The following SEMA6D variants were observed in gnomAD, a reference collection of about 807,000 sequenced individuals.
SEMA6D encodes the protein semaphorin-6D.
Under a neutral mutation model 106.6 loss-of-function variants are expected in SEMA6D, and 35 were observed. That is an observed-to-expected ratio of 0.33 (90% CI 0.25 to 0.44). SEMA6D has a LOEUF of 0.44. Ranked by LOEUF, SEMA6D falls within the 20% of genes least tolerant of loss-of-function variation. The probability of loss-of-function intolerance (pLI) is 1.00; values close to 1 mark genes in which losing one functional copy is unlikely to be tolerated. For synonymous variants in SEMA6D, 499 were observed against 487.7 expected (o/e 1.02, Z -0.31); for missense variants, 1,185 against 1,345.9 (o/e 0.88, Z 1.87).
upstream of SEMA6D, among the ~76,000 whole-genome samples, chr15:47,714,286 A>G (rs1007966111): frequency 3.3e-5 from 5 of 152,174 alleles, no homozygotes; most frequent in African/African-American, 1.2e-4. Flanking sequence ...ACTCTGTGAC[A>G]TTAGGCAATT....
chr15:47,545,305 A>T (rs2045486103), intron 3 of SEMA6D, among the ~76,000 whole-genome samples: 1 of 152,136 alleles, frequency 6.6e-6, no homozygotes, highest in Non-Finnish European at 1.5e-5. Flanking sequence ...ATTATCCATC[A>T]CTGGGTGAAT....
chr15:47,768,869 C>A, intron 18 of SEMA6D, 121 bp downstream of exon 18: 1 of 805,060 alleles, frequency 1.2e-6, no homozygotes, highest in Non-Finnish European at 1.9e-6. Flanking sequence ...GTACCTCCAC[C>A]GCCCCTTGCC....
intron 3 of SEMA6D, among the ~76,000 whole-genome samples, chr15:47,485,906 C>G (rs1195701224): frequency 6.6e-6 from 1 of 152,146 alleles, no homozygotes; most frequent in Non-Finnish European, 1.5e-5. Flanking sequence ...AATAACATTG[C>G]TTATTTTAAG....
At chr15:47,600,327 T>C (rs1347376454) in intron 3 of SEMA6D, among the ~76,000 whole-genome samples, 1 of 152,112 alleles carries the variant, frequency 6.6e-6, no homozygotes, top group Admixed American at 6.6e-5. Flanking sequence ...TATTTCCAGG[T>C]TCTGAGTGTT....
chr15:47,216,200 T>C (rs17356629), intron 1 of SEMA6D, among the ~76,000 whole-genome samples: 1,854 of 152,270 alleles, frequency 0.012, 43 homozygotes, highest in Admixed American at 0.012. Flanking sequence ...TAAAAACATT[T>C]TTCATGAGCA....
At chr15:47,209,527 G>A (rs951052473) in intron 1 of SEMA6D, among the ~76,000 whole-genome samples, 1 of 152,110 alleles carries the variant, frequency 6.6e-6, no homozygotes, top group African/African-American at 2.4e-5. Flanking sequence ...ATCAAAAATG[G>A]CAGATTGAAA....
intron 3 of SEMA6D, among the ~76,000 whole-genome samples, chr15:47,546,060 A>G (rs573916803): frequency 4.6e-5 from 7 of 152,278 alleles, no homozygotes; most frequent in African/African-American, 1.7e-4. Flanking sequence ...GCATTTATGC[A>G]TAAGCGAGCA....
At chr15:47,227,339 G>A (rs944273736) in intron 1 of SEMA6D, among the ~76,000 whole-genome samples, 7 of 151,298 alleles carry the variant, frequency 4.6e-5, no homozygotes, top group Non-Finnish European at 1.0e-4. Context: ...AGCTGTTTCT[G>A]GTTTGCTCTG....
intron 1 of SEMA6D, among the ~76,000 whole-genome samples, chr15:47,377,794 G>C (rs1355383113): frequency 6.6e-6 from 1 of 152,144 alleles, no homozygotes; most frequent in Non-Finnish European, 1.5e-5. Flanking sequence ...GAATATTAAG[G>C]TTTTTATGGC....
intron 4 of SEMA6D, among the ~76,000 whole-genome samples, chr15:47,672,387 T>C (rs1046298685): frequency 1.4e-4 from 21 of 152,210 alleles, no homozygotes; most frequent in Non-Finnish European, 4.4e-5. Context: ...TCTAATCTTC[T>C]GTTGACTACA....
chr15:47,205,416 T>G (rs561975009), intron 1 of SEMA6D, among the ~76,000 whole-genome samples: 1 of 152,226 alleles, frequency 6.6e-6, no homozygotes, highest in South Asian at 2.1e-4. Flanking sequence ...GGTGACAAAT[T>G]TGGAATTAAT....
At chr15:47,266,815 A>G (rs891369760) in intron 1 of SEMA6D, among the ~76,000 whole-genome samples, 4 of 152,132 alleles carry the variant, frequency 2.6e-5, no homozygotes, top group Non-Finnish European at 4.4e-5. Flanking sequence ...TGAGCTGGAA[A>G]GGGAAATGGA....
chr15:47,489,549 C>A (rs1463248955), intron 3 of SEMA6D, among the ~76,000 whole-genome samples: 2 of 152,188 alleles, frequency 1.3e-5, no homozygotes, highest in Non-Finnish European at 2.9e-5. Flanking sequence ...AGCTGTGTCC[C>A]TCCACAATGC....
At chr15:47,565,797 T>C (rs1246550742) in intron 3 of SEMA6D, among the ~76,000 whole-genome samples, 1 of 152,226 alleles carries the variant, frequency 6.6e-6, no homozygotes, top group Non-Finnish European at 1.5e-5. Flanking sequence ...AAAATATGTT[T>C]TATTCAGTGC....
chr15:47,700,498 T>C (rs2078788488), intron 4 of SEMA6D, among the ~76,000 whole-genome samples: 1 of 152,192 alleles, frequency 6.6e-6, no homozygotes, highest in Non-Finnish European at 1.5e-5. Context: ...ATGAAGCCAC[T>C]GCACTCCAGC....
intron 1 of SEMA6D, among the ~76,000 whole-genome samples, chr15:47,209,871 A>C (rs1338226930): frequency 6.6e-6 from 1 of 152,190 alleles, no homozygotes; most frequent in Non-Finnish European, 1.5e-5. Context: ...TCATTGGGCC[A>C]AAGGAGCAAT....
intron 1 of SEMA6D, among the ~76,000 whole-genome samples, chr15:47,316,694 A>T: frequency 7.4e-6 from 1 of 135,352 alleles, no homozygotes; most frequent in African/African-American, 2.8e-5. Flanking sequence ...TTTCTTTTTT[A>T]GCTTGGTGAT....
chr15:47,407,426 A>G (rs1435919262), intron 1 of SEMA6D, among the ~76,000 whole-genome samples: 1 of 151,314 alleles, frequency 6.6e-6, no homozygotes. Context: ...AACAAAAAAA[A>G]CAAACAAAAA....
At chr15:47,750,180 G>C (rs1258203139) in intron 1 of SEMA6D, among the ~76,000 whole-genome samples, 1 of 152,160 alleles carries the variant, frequency 6.6e-6, no homozygotes, top group African/African-American at 2.4e-5. Context: ...CTCAAGGTCA[G>C]GGGAATGGCT....
Sources: allele counts gnomAD v4.1 joint callset (sites outside exome capture counted in the v4.1 genomes callset), GRCh38; gene constraint gnomAD v4.1.1; transcripts MANE v1.5; gene names NCBI Gene and HGNC (gene_info 2026-07-23, HGNC 2026-07-21).